The following DDX59 variants were observed in gnomAD, a reference collection of about 807,000 sequenced individuals.
DDX59 encodes the protein probable ATP-dependent RNA helicase DDX59.
A neutral mutation model predicts 51.9 loss-of-function variants in DDX59; 30 were observed. That is an observed-to-expected ratio of 0.58 (90% CI 0.43 to 0.78). The LOEUF (loss-of-function observed/expected upper bound fraction) is 0.78, where lower values mean the gene tolerates loss of function less well. Ranked by LOEUF, DDX59 falls within the 30% of genes least tolerant of loss-of-function variation. The pLI, the probability that DDX59 is intolerant of heterozygous loss-of-function variation, is 0.00. For synonymous variants in DDX59, 255 were observed against 253.3 expected, an observed-to-expected ratio of 1.01 and a Z score of -0.06; for missense variants, 672 against 730.8, an observed-to-expected ratio of 0.92 and a Z score of 0.93.
In DDX59 at chr1:200,666,668, T is replaced by C. The variant is rs768986076; in HGVS notation, c.73A>G (p.Ile25Val). ...DDGKSCVAKI[I>V]KPDPEDLQLD... is the part of the protein sequence containing the mutation. ...TGAAGGTCTTCTGGGTCTGGTTTAATTATCTTAGCCACACAACTTTTGCCA... is the reference window on the plus strand; with the variant it reads ...TGAAGGTCTTCTGGGTCTGGTTTAACTATCTTAGCCACACAACTTTTGCCA... The change falls in exon 2 of 8, where the codon ATT (isoleucine) becomes GTT (valine). Residue 25 changes from isoleucine (I) to valine (V), a missense_variant. Transcript: ENST00000331314. 6.8e-6 allele frequency: 11 copies of C among 1,614,136 alleles called. No homozygotes were observed. Among genetic ancestry groups the C allele is most frequent in the Non-Finnish European group, 8.5e-6 (10 of 1,180,062 alleles).
At position 200,659,176 on chromosome 1, in the gene DDX59, T is replaced by C. The variant is rs1662224136; in HGVS notation, c.973-60A>G. 9.8e-6 allele frequency: 13 copies of C among 1,331,906 alleles called. 1 individual carries two copies. The South Asian group carries it at 1.4e-4, about 15-fold the overall frequency. The allele number at this position is 1,331,906 out of a possible 1,614,324, so 82.5% of individuals were successfully genotyped here. A position where few individuals can be genotyped will look rare whatever the true frequency, so the allele number is the denominator to read the frequency against. On this transcript the variant is annotated intron_variant, in intron 3 of 7. Transcript: ENST00000331314. The stretch of plus-strand genomic sequence containing the variant: ...AGTAATAGCTATTTTCATTCATTCA[T>C]TCCATATTGATTGAGCAACTAATAT...
At chr1:200,669,042 G>A (rs1442869202) in intron 1 of DDX59, among the ~76,000 whole-genome samples, 1 of 152,204 alleles carries the variant, frequency 6.6e-6, no homozygotes, top group Admixed American at 6.5e-5. Flanking sequence ...AGGACCTCCT[G>A]AGGACTGTCA....
rs1049973708 is a variant in DDX59, at chr1:200,663,435, C to G, written c.972+484G>C. On this transcript the variant is annotated intron_variant, in intron 3 of 7. Coordinates refer to ENST00000331314, the MANE Select transcript of DDX59 (RefSeq NM_001031725.6). Reference sequence around the variant, plus strand: ...GCCATACAGCTACCAAGTTTCAAAGCTAGAATCAGACCACATTGCTTTTAC... The same window carrying G: ...GCCATACAGCTACCAAGTTTCAAAGGTAGAATCAGACCACATTGCTTTTAC... Among the ~76,000 whole-genome samples, 6 of 152,200 alleles carry G rather than the reference C, an allele frequency of 3.9e-5. No homozygotes were observed. The East Asian group carries it at 1.2e-3, about 29-fold the overall frequency.
chr1:200,657,249 CAAAAA>C lies in DDX59; in HGVS notation c.1062+1773_1062+1777del, dbSNP rs147751957. 3.2e-3 allele frequency among the ~76,000 whole-genome samples: 249 copies of C among 77,648 alleles called. 1 individual carries two copies. The highest frequency in any genetic ancestry group is 0.011 in the African/African-American group (239 of 22,002). The allele number at this position is 77,648 out of a possible 152,430, so 50.9% of individuals were successfully genotyped here. A position where few individuals can be genotyped will look rare whatever the true frequency, so the allele number is the denominator to read the frequency against. ...CTGGGTGACAGAGGGAAACTGTCTA[CAAAAA>C]AAAAAAAAAAAAAAAAAAATTACTT... is the stretch of plus-strand genomic sequence containing the variant. On this transcript the variant is annotated intron_variant, in intron 4 of 7. Transcript: ENST00000331314.
chr1:200,653,739 T>C (rs754923397), intron 4 of DDX59, among the ~76,000 whole-genome samples: 1 of 152,186 alleles, frequency 6.6e-6, no homozygotes, highest in African/African-American at 2.4e-5. Context: ...TGTTCCCAAA[T>C]ACCTCATGCT....
At chr1:200,650,143 C>A (rs1661565976) in intron 5 of DDX59, among the ~76,000 whole-genome samples, 1 of 151,974 alleles carries the variant, frequency 6.6e-6, no homozygotes, top group African/African-American at 2.4e-5. Flanking sequence ...CGCACCCAGC[C>A]CTTCTAAAAT....
chr1:200,644,168 A>T lies in DDX59; in HGVS notation c.*86T>A. On this transcript the variant is annotated 3_prime_UTR_variant, in exon 8 of 8. Coordinates refer to ENST00000331314, the MANE Select transcript of DDX59 (RefSeq NM_001031725.6). ...AATTAAAAATATCTTAAAATTTTTA[A>T]AATTCATGTACATTTCCATTTATGC... 1 of 1,067,480 alleles carries T rather than the reference A, an allele frequency of 9.4e-7. No individual in the cohort carries two copies. Among genetic ancestry groups the T allele is most frequent in the East Asian group, 3.3e-5 (1 of 30,410 alleles). The allele number at this position is 1,067,480 out of a possible 1,614,324, so 66.1% of individuals were successfully genotyped here.
chr1:200,658,896 A>G, intron 4 of DDX59, 131 bp downstream of exon 4: 1 of 680,712 alleles, frequency 1.5e-6, no homozygotes, highest in Non-Finnish European at 2.5e-6. Flanking sequence ...AACCTGCTGC[A>G]ATGCTTTAAA....
intron 1 of DDX59, 41 bp from the exon 2 acceptor site, chr1:200,666,792 A>G (rs756662090): frequency 9.7e-6 from 15 of 1,547,014 alleles, no homozygotes; most frequent in Middle Eastern, 1.7e-4. Flanking sequence ...TGTACCATTA[A>G]TAAAGTTCAC....
intron 2 of DDX59, among the ~76,000 whole-genome samples, chr1:200,665,237 C>T (rs1662640786): frequency 1.3e-5 from 2 of 152,088 alleles, no homozygotes; most frequent in East Asian, 3.9e-4. Context: ...GGTTGGATTA[C>T]CTAAGGTCAG....
At chr1:200,661,556 TG>T (rs1411277792) in intron 3 of DDX59, among the ~76,000 whole-genome samples, 2 of 152,198 alleles carry the variant, frequency 1.3e-5, no homozygotes. Context: ...AAATGAGGGA[TG>T]TTCTTCAAAG....
At chr1:200,661,672 G>C (rs1008183639) in intron 3 of DDX59, among the ~76,000 whole-genome samples, 10 of 152,342 alleles carry the variant, frequency 6.6e-5, no homozygotes, top group South Asian at 2.1e-4. Flanking sequence ...ACAACTAAAT[G>C]CAACATGTGA....
rs1490460011 is a variant in DDX59 at position 200,644,194 on chromosome 1, A to G, written c.*60T>C. On this transcript the variant is annotated 3_prime_UTR_variant, in exon 8 of 8. Coordinates refer to ENST00000331314, the MANE Select transcript of DDX59 (RefSeq NM_001031725.6). ...AATTCATGTACATTTCCATTTATGC[A>G]AACCATAATTTTTTGCTGACTATAT... 5.5e-6 allele frequency: 7 copies of G among 1,272,268 alleles called. No homozygotes were observed. The East Asian group carries it at 2.0e-4, about 36-fold the overall frequency. 78.8% of individuals were successfully genotyped at this position (1,272,268 alleles called of 1,614,324 possible). A position where few individuals can be genotyped will look rare whatever the true frequency, so the allele number is the denominator to read the frequency against.
chr1:200,644,601 A>G, intron 7 of DDX59, 84 bp from the exon 8 acceptor site: 1 of 1,465,744 alleles, frequency 6.8e-7, no homozygotes, highest in East Asian at 2.4e-5. Flanking sequence ...ATATTACTTA[A>G]AGTAGCATTA....
At chr1:200,659,592 T>C (rs954842863) in intron 3 of DDX59, among the ~76,000 whole-genome samples, 7 of 152,344 alleles carry the variant, frequency 4.6e-5, no homozygotes, top group African/African-American at 1.4e-4. Flanking sequence ...TTCCGTAACA[T>C]CTTTGGGCTT....
intron 1 of DDX59, among the ~76,000 whole-genome samples, chr1:200,668,866 C>A (rs982854734): frequency 1.3e-5 from 2 of 152,182 alleles, no homozygotes; most frequent in African/African-American, 4.8e-5. Flanking sequence ...TTTATGGATC[C>A]CAGGTCTTTA....
In DDX59 at chr1:200,649,065, G is replaced by A; in HGVS notation, c.1467+9C>T. 1 of 1,550,822 alleles carries A rather than the reference G, an allele frequency of 6.4e-7. No homozygotes were observed. The highest frequency in any genetic ancestry group is 8.7e-7 in the Non-Finnish European group (1 of 1,155,516). On this transcript the variant is annotated intron_variant, in intron 6 of 7. Coordinates refer to ENST00000331314, the MANE Select transcript of DDX59 (RefSeq NM_001031725.6). ...TAGAAAACAGAATATAGAATATTGGGTGTCAAACCTTCAATATGTTTTTCC... is the reference window on the plus strand; with the variant it reads ...TAGAAAACAGAATATAGAATATTGGATGTCAAACCTTCAATATGTTTTTCC...
At chr1:200,649,645 A>C (rs1473207270) in intron 5 of DDX59, among the ~76,000 whole-genome samples, 1 of 140,354 alleles carries the variant, frequency 7.1e-6, no homozygotes, top group East Asian at 2.0e-4. Context: ...AAAAAAAAAC[A>C]CAAAACACAA....
chr1:200,669,892 T>TGGAGCGGAGCGGAGCGGAGC lies in DDX59; in HGVS notation c.-138_-137insGCTCCGCTCCGCTCCGCTCC, dbSNP rs1362728374. ...CGTCAGGACTGCGGCCCGGGGTTGG[T>TGGAGCGGAGCGGAGCGGAGC]GGTGCGGAGCGGAGCGGAGCGGAGC... is the stretch of plus-strand genomic sequence containing the variant. On this transcript the variant is annotated 5_prime_UTR_variant, in exon 1 of 8. Transcript: ENST00000331314. The TGGAGCGGAGCGGAGCGGAGC allele has an allele frequency of 1.7e-4, 11 of 64,846 alleles. No individual in the cohort carries two copies. Among genetic ancestry groups the TGGAGCGGAGCGGAGCGGAGC allele is most frequent in the African/African-American group, 5.5e-4 (11 of 19,970 alleles). The allele number at this position is 64,846 out of a possible 1,614,324, so 4.0% of individuals were successfully genotyped here.
Sources: allele counts gnomAD v4.1 joint callset (sites outside exome capture counted in the v4.1 genomes callset), GRCh38; gene constraint gnomAD v4.1.1; transcripts MANE v1.5; gene names NCBI Gene and HGNC (gene_info 2026-07-23, HGNC 2026-07-21).